GRID2: variants seen among roughly 807,000 people sequenced by gnomAD.
GRID2 encodes the protein glutamate ionotropic receptor delta type subunit 2.
A neutral mutation model predicts 114.8 loss-of-function variants in GRID2; 33 were observed. The ratio of observed to expected loss-of-function variants is 0.29; its 90% CI spans 0.22 to 0.38. GRID2 has a LOEUF of 0.38. Among genes scored for constraint, GRID2 ranks in the 10% least tolerant of loss-of-function variants. The pLI is 1.00. For synonymous variants in GRID2, 505 were observed against 449.9 expected (o/e 1.12, Z -1.55); for missense variants, 1,184 against 1,257.7 (o/e 0.94, Z 0.89).
At chr4:93,070,896 T>C (rs1188393678) in intron 2 of GRID2, among the ~76,000 whole-genome samples, 1 of 152,116 alleles carries the variant, frequency 6.6e-6, no homozygotes, top group Non-Finnish European at 1.5e-5. Flanking sequence ...TATGAATTTC[T>C]AGCTATGAAT....
chr4:93,295,585 TTCCTCCTCCTCCTCCTCCTCTCCCCGC>T (rs1400261621), intron 8 of GRID2, among the ~76,000 whole-genome samples: 3 of 151,474 alleles, frequency 2.0e-5, no homozygotes, highest in Admixed American at 6.6e-5. Context: ...ATATCTCCTC[TTCCTCCTCCTCCTCCTCCTCTCCCCGC>T]TCCTCCTCCT....
chr4:92,352,713 A>G (rs1185537136), intron 1 of GRID2, among the ~76,000 whole-genome samples: 1 of 152,000 alleles, frequency 6.6e-6, no homozygotes, highest in Non-Finnish European at 1.5e-5. Context: ...TAGGTTTATT[A>G]GGATAAATGC....
At chr4:93,438,775 G>C (rs1721341511) in intron 10 of GRID2, among the ~76,000 whole-genome samples, 1 of 151,918 alleles carries the variant, frequency 6.6e-6, no homozygotes, top group Admixed American at 6.6e-5. Flanking sequence ...TTGGTGTGCT[G>C]CACCCATTAA....
intron 2 of GRID2, among the ~76,000 whole-genome samples, chr4:92,816,318 C>CAAAAAAAAAAAAAA (rs764487348): frequency 2.1e-5 from 1 of 48,260 alleles, no homozygotes; most frequent in Non-Finnish European, 4.0e-5. Context: ...TCTGTCTCAC[C>CAAAAAAAAAAAAAA]AAAAAAAAAA....
chr4:93,507,452 A>G (rs1464833193), intron 12 of GRID2, among the ~76,000 whole-genome samples: 1 of 152,218 alleles, frequency 6.6e-6, no homozygotes. Flanking sequence ...TCAACCAAGA[A>G]AAACAATCCT....
rs530048954 is a variant in GRID2 at position 92,844,172 on chromosome 4, C to T, written c.245-240823C>T. ...ATTCCGTTTTCCTTGAATTAACAAGCTTAACTCATTTTTGAGAAAAATCTG... is the reference window on the plus strand; with the variant it reads ...ATTCCGTTTTCCTTGAATTAACAAGTTTAACTCATTTTTGAGAAAAATCTG... On this transcript the variant is annotated intron_variant, in intron 2 of 15. Transcript: ENST00000282020. Among the ~76,000 whole-genome samples the T allele has an allele frequency of 5.3e-4, 80 of 152,060 alleles. No homozygotes were observed. The Middle Eastern group carries it at 0.017, about 32-fold the overall frequency.
intron 1 of GRID2, among the ~76,000 whole-genome samples, chr4:92,404,850 G>A (rs1366795557): frequency 6.6e-6 from 1 of 152,208 alleles, no homozygotes; most frequent in Non-Finnish European, 1.5e-5. Context: ...TTGACACACA[G>A]AGGGGAACAA....
intron 13 of GRID2, among the ~76,000 whole-genome samples, chr4:93,596,332 C>G (rs904594040): frequency 6.6e-6 from 1 of 152,130 alleles, no homozygotes; most frequent in Admixed American, 6.5e-5. Context: ...GCAGTCCCAG[C>G]ACTTTGGGAG....
intron 14 of GRID2, among the ~76,000 whole-genome samples, chr4:93,762,189 T>A (rs1733269337): frequency 6.6e-6 from 1 of 152,040 alleles, no homozygotes; most frequent in Non-Finnish European, 1.5e-5. Flanking sequence ...TGAGCCAAAA[T>A]AGATTTATTC....
intron 13 of GRID2, among the ~76,000 whole-genome samples, chr4:93,605,174 A>G (rs1740096819): frequency 6.6e-6 from 1 of 152,190 alleles, no homozygotes; most frequent in African/African-American, 2.4e-5. Context: ...TGCAATGTCC[A>G]ATGTGATAAC....
At chr4:92,804,228 A>G (rs1477076566) in intron 2 of GRID2, among the ~76,000 whole-genome samples, 1 of 152,062 alleles carries the variant, frequency 6.6e-6, no homozygotes, top group African/African-American at 2.4e-5. Flanking sequence ...GTAGACAAAT[A>G]ATCTTACTAT....
At chr4:93,269,776 T>C (rs1751239841) in intron 8 of GRID2, among the ~76,000 whole-genome samples, 1 of 152,170 alleles carries the variant, frequency 6.6e-6, no homozygotes, top group Admixed American at 6.5e-5. Flanking sequence ...GACTTGAGTC[T>C]TTATAAAAGA....
At chr4:93,051,941 G>T (rs1298318697) in intron 2 of GRID2, among the ~76,000 whole-genome samples, 1 of 151,088 alleles carries the variant, frequency 6.6e-6, no homozygotes, top group Non-Finnish European at 1.5e-5. Context: ...GTACTTTATT[G>T]TTATATCAGT....
chr4:93,585,647 A>C (rs1287895691), intron 13 of GRID2, among the ~76,000 whole-genome samples: 1 of 152,084 alleles, frequency 6.6e-6, no homozygotes, highest in Non-Finnish European at 1.5e-5. Context: ...CATAAATTTG[A>C]TGTTTGCTCT....
At chr4:93,102,146 C>T (rs1029948963) in intron 3 of GRID2, among the ~76,000 whole-genome samples, 5 of 152,114 alleles carry the variant, frequency 3.3e-5, no homozygotes, top group Admixed American at 2.6e-4. Context: ...GTTTGAAAGT[C>T]TAGGGAACAG....
At chr4:92,644,913 C>T (rs915393228) in intron 2 of GRID2, among the ~76,000 whole-genome samples, 1 of 151,200 alleles carries the variant, frequency 6.6e-6, no homozygotes, top group African/African-American at 2.4e-5. Context: ...TTCCCTTTAT[C>T]TCTTTTTTTT....
intron 2 of GRID2, 137 bp downstream of exon 2, chr4:92,590,423 C>T (rs1728655317): frequency 4.9e-6 from 3 of 611,852 alleles, no homozygotes; most frequent in Admixed American, 2.9e-5. Flanking sequence ...TTGGAGATCA[C>T]TGTTTTGTAG....
intron 1 of GRID2, among the ~76,000 whole-genome samples, chr4:92,386,058 T>G (rs1729947257): frequency 6.6e-6 from 1 of 151,564 alleles, no homozygotes; most frequent in Admixed American, 6.6e-5. Context: ...AATTCACTTT[T>G]ATTTGTCAGT....
chr4:92,529,959 C>G (rs1725247053), intron 1 of GRID2, among the ~76,000 whole-genome samples: 3 of 151,164 alleles, frequency 2.0e-5, no homozygotes, highest in Admixed American at 2.0e-4. Context: ...GAATTGTAGA[C>G]AACATGATAT....
Sources: gnomAD v4.1 joint callset for allele counts (sites outside exome capture counted in the v4.1 genomes callset) on GRCh38, gnomAD v4.1.1 for gene constraint, MANE v1.5 for transcripts, NCBI Gene and HGNC (gene_info 2026-07-23, HGNC 2026-07-21) for gene names.